The following SOX5 variants were observed in gnomAD, a reference collection of about 807,000 sequenced individuals.
The protein encoded by SOX5 is transcription factor SOX-5.
A neutral mutation model predicts 92.0 loss-of-function variants in SOX5; 9 were observed. The observed-to-expected ratio is 0.10, with a 90% CI of 0.06 to 0.17. The LOEUF (loss-of-function observed/expected upper bound fraction) is 0.17. Ranked by LOEUF, SOX5 falls within the 10% of genes least tolerant of loss-of-function variation. SOX5 has a pLI of 1.00. For synonymous variants in SOX5, 344 were observed against 336.3 expected, an observed-to-expected ratio of 1.02 and a Z score of -0.25; for missense variants, 642 against 944.5, an observed-to-expected ratio of 0.68 and a Z score of 4.20.
chr12:24,542,598 C>G (rs1387591040), intron 1 of SOX5, among the ~76,000 whole-genome samples: 1 of 152,198 alleles, frequency 6.6e-6, no homozygotes, highest in Non-Finnish European at 1.5e-5. Context: ...CCATCCTGCT[C>G]TCACCACTTT....
chr12:24,554,092 C>T (rs150432091), intron 1 of SOX5, among the ~76,000 whole-genome samples: 28 of 152,192 alleles, frequency 1.8e-4, no homozygotes, highest in Middle Eastern at 3.4e-3. Flanking sequence ...TGAAAGAATG[C>T]CAATGGTGCA....
chr12:24,097,400 A>G (rs1945556285), intron 4 of SOX5, among the ~76,000 whole-genome samples: 1 of 152,012 alleles, frequency 6.6e-6, no homozygotes, highest in Non-Finnish European at 1.5e-5. Context: ...TATTGTTTTG[A>G]TACTTGTGCA....
chr12:24,453,458 GTTTA>G (rs1490251087), intron 1 of SOX5, among the ~76,000 whole-genome samples: 6 of 152,008 alleles, frequency 3.9e-5, no homozygotes, highest in Admixed American at 6.6e-5. Context: ...CATTGAGCTT[GTTTA>G]TTTATTTTTC....
intron 3 of SOX5, among the ~76,000 whole-genome samples, chr12:24,220,360 A>T (rs891062338): frequency 1.1e-4 from 17 of 152,026 alleles, no homozygotes; most frequent in Non-Finnish European, 2.2e-4. Context: ...ACTTTATGTA[A>T]CTAATGATGC....
intron 1 of SOX5, among the ~76,000 whole-genome samples, chr12:24,480,825 A>G (rs1434332017): frequency 6.6e-6 from 1 of 152,116 alleles, no homozygotes; most frequent in Non-Finnish European, 1.5e-5. Flanking sequence ...AATTAGTAAA[A>G]CCACTATGGT....
chr12:24,415,700 T>C (rs908867111), intron 1 of SOX5, among the ~76,000 whole-genome samples: 1 of 152,208 alleles, frequency 6.6e-6, no homozygotes, highest in African/African-American at 2.4e-5. Flanking sequence ...ATTACTGTCA[T>C]AGACAGTCTC....
intron 1 of SOX5, among the ~76,000 whole-genome samples, chr12:23,943,690 T>G (rs919948367): frequency 6.6e-6 from 1 of 152,064 alleles, no homozygotes; most frequent in Non-Finnish European, 1.5e-5. Context: ...GTGACTAAAA[T>G]GTTACTTAGA....
intron 1 of SOX5, among the ~76,000 whole-genome samples, chr12:24,388,273 G>C (rs1030455319): frequency 6.6e-6 from 1 of 152,104 alleles, no homozygotes; most frequent in Non-Finnish European, 1.5e-5. Flanking sequence ...ATGCAAGCTC[G>C]ACCCTTTGCC....
intron 4 of SOX5, among the ~76,000 whole-genome samples, chr12:24,102,342 T>C (rs1946188503): frequency 6.6e-6 from 1 of 152,184 alleles, no homozygotes; most frequent in Non-Finnish European, 1.5e-5. Context: ...AATAACACCA[T>C]TTGTTTCCCT....
At chr12:23,626,147 T>A (rs570518970) in intron 8 of SOX5, among the ~76,000 whole-genome samples, 36 of 151,336 alleles carry the variant, frequency 2.4e-4, no homozygotes, top group Non-Finnish European at 4.7e-4. Flanking sequence ...AGTCAAGAAA[T>A]AGGAACAGAA....
chr12:23,535,279 A>C (rs1940098434), intron 14 of SOX5, among the ~76,000 whole-genome samples: 4 of 152,242 alleles, frequency 2.6e-5, no homozygotes, highest in Admixed American at 2.6e-4. Flanking sequence ...ATAAAACTTT[A>C]CTGCCCAGAA....
chr12:24,263,656 T>C (rs2140272728), intron 3 of SOX5, among the ~76,000 whole-genome samples: 2 of 151,840 alleles, frequency 1.3e-5, no homozygotes, highest in South Asian at 2.1e-4. Context: ...AACCTAAGCA[T>C]ATCGTTAAAA....
At chr12:24,426,494 C>T (rs1353607708) in intron 1 of SOX5, among the ~76,000 whole-genome samples, 7 of 152,164 alleles carry the variant, frequency 4.6e-5, no homozygotes, top group Non-Finnish European at 1.0e-4. Flanking sequence ...CACTAAGTAT[C>T]AGACAATGTA....
chr12:23,924,723 A>G (rs1569025975), intron 1 of SOX5, among the ~76,000 whole-genome samples: 2 of 152,124 alleles, frequency 1.3e-5, no homozygotes, highest in African/African-American at 2.4e-5. Context: ...ATATAGCAGG[A>G]AGTTGCTTCG....
intron 10 of SOX5, among the ~76,000 whole-genome samples, chr12:23,572,560 A>G (rs558667783): frequency 4.3e-4 from 65 of 152,240 alleles, no homozygotes; most frequent in African/African-American, 1.4e-3. Context: ...ATCTTTGGGA[A>G]TGCTAAAGAA....
At chr12:23,949,745 T>TCC, upstream of SOX5, 1 of 949,228 alleles carries the variant, frequency 1.1e-6, no homozygotes, top group Non-Finnish European at 1.5e-6. Context: ...TCTCTCTCTC[T>TCC]CTCTCTCCCT....
intron 1 of SOX5, among the ~76,000 whole-genome samples, chr12:23,908,192 C>A (rs140784491): frequency 6.9e-4 from 105 of 152,150 alleles, no homozygotes; most frequent in Non-Finnish European, 1.2e-3. Context: ...GTTTTAATTT[C>A]TTTTGTTTTC....
At chr12:24,154,813 T>C (rs537636865) in intron 4 of SOX5, among the ~76,000 whole-genome samples, 1 of 152,188 alleles carries the variant, frequency 6.6e-6, no homozygotes, top group East Asian at 1.9e-4. Context: ...AATAATACAA[T>C]TCATAAATTA....
At chr12:23,779,526 C>T (rs895957500) in intron 3 of SOX5, among the ~76,000 whole-genome samples, 4 of 150,938 alleles carry the variant, frequency 2.7e-5, no homozygotes, top group African/African-American at 4.9e-5. Context: ...GAAGCTAATG[C>T]GAAGATATCT....
Sources: gnomAD v4.1 joint callset for allele counts (sites outside exome capture counted in the v4.1 genomes callset) on GRCh38, gnomAD v4.1.1 for gene constraint, MANE v1.5 for transcripts, NCBI Gene and HGNC (gene_info 2026-07-23, HGNC 2026-07-21) for gene names.